DCC: variants seen among roughly 807,000 people sequenced by gnomAD.
DCC encodes netrin receptor DCC.
A neutral mutation model predicts 172.5 loss-of-function variants in DCC; 58 were observed. The observed-to-expected ratio is 0.34, with a 90% confidence interval of 0.27 to 0.42. The LOEUF (loss-of-function observed/expected upper bound fraction) is 0.42, where lower values mean the gene tolerates loss of function less well. Among genes scored for constraint, DCC ranks in the 10% least tolerant of loss-of-function variants. DCC has a pLI of 1.00. For synonymous variants in DCC, 709 were observed against 644.5 expected (o/e 1.10, Z -1.52); for missense variants, 1,740 against 1,791.0 (o/e 0.97, Z 0.51).
intron 1 of DCC, among the ~76,000 whole-genome samples, chr18:52,353,455 T>C (rs568913663): frequency 6.6e-6 from 1 of 152,282 alleles, no homozygotes; most frequent in Non-Finnish European, 1.5e-5. Context: ...GTCCCAAGTC[T>C]GATGCTGAGA....
At chr18:52,403,523 G>T (rs1264004504) in intron 1 of DCC, among the ~76,000 whole-genome samples, 1 of 151,970 alleles carries the variant, frequency 6.6e-6, no homozygotes, top group East Asian at 1.9e-4. Context: ...AGAGCCATTG[G>T]TCAGTAAACA....
chr18:52,939,831 C>T (rs1006846940), intron 5 of DCC, among the ~76,000 whole-genome samples: 2 of 152,024 alleles, frequency 1.3e-5, no homozygotes, highest in African/African-American at 4.8e-5. Context: ...CCCTTGGGTG[C>T]AGAAAAGAAT....
At chr18:53,240,045 A>AAC (rs1337859262) in intron 12 of DCC, among the ~76,000 whole-genome samples, 1 of 145,234 alleles carries the variant, frequency 6.9e-6, no homozygotes, top group Non-Finnish European at 1.5e-5. Flanking sequence ...AAAAAAAAAA[A>AAC]AAAAACAACA....
intron 1 of DCC, among the ~76,000 whole-genome samples, chr18:52,684,531 G>A (rs1275823240): frequency 6.6e-6 from 1 of 151,862 alleles, no homozygotes; most frequent in Admixed American, 6.6e-5. Flanking sequence ...TGCAGTCCTG[G>A]GATTTGGAAA....
intron 1 of DCC, among the ~76,000 whole-genome samples, chr18:52,637,710 A>G (rs1197381312): frequency 6.6e-6 from 1 of 152,246 alleles, no homozygotes; most frequent in Non-Finnish European, 1.5e-5. Flanking sequence ...TTCCTGAGGA[A>G]GAAGAGAATT....
chr18:53,141,768 TG>T (rs1033188903), intron 7 of DCC, among the ~76,000 whole-genome samples: 5 of 152,324 alleles, frequency 3.3e-5, no homozygotes, highest in African/African-American at 1.2e-4. Context: ...CTCCTCTCCA[TG>T]GTTGTGTGTT....
At chr18:52,851,868 T>C (rs757579278) in intron 2 of DCC, among the ~76,000 whole-genome samples, 1 of 152,156 alleles carries the variant, frequency 6.6e-6, no homozygotes, top group Non-Finnish European at 1.5e-5. Context: ...ACTGCAATTA[T>C]GATCTTACCA....
intron 5 of DCC, among the ~76,000 whole-genome samples, chr18:52,964,863 C>T (rs148473227): frequency 6.6e-6 from 1 of 152,258 alleles, no homozygotes; most frequent in East Asian, 1.9e-4. Flanking sequence ...AGGGGAAAAT[C>T]CATTTTTTGC....
chr18:53,217,464 G>A (rs1194870116), intron 12 of DCC, among the ~76,000 whole-genome samples: 1 of 151,932 alleles, frequency 6.6e-6, no homozygotes, highest in Non-Finnish European at 1.5e-5. Flanking sequence ...TTGTTCATTC[G>A]CTTTTCAGAA....
At chr18:52,669,088 G>T (rs1300370089) in intron 1 of DCC, among the ~76,000 whole-genome samples, 2 of 152,146 alleles carry the variant, frequency 1.3e-5, no homozygotes, top group African/African-American at 4.8e-5. Context: ...TGGTGGGCAG[G>T]GGAAAACCAG....
chr18:52,766,395 G>A (rs1194654088), intron 2 of DCC, among the ~76,000 whole-genome samples: 1 of 152,204 alleles, frequency 6.6e-6, no homozygotes. Flanking sequence ...AAGGCAAAGA[G>A]CCAGTGTGAC....
chr18:52,973,208 T>G (rs529470460), intron 5 of DCC, among the ~76,000 whole-genome samples: 1 of 152,278 alleles, frequency 6.6e-6, no homozygotes, highest in South Asian at 2.1e-4. Flanking sequence ...GAAGATGGGG[T>G]TATAGCAATG....
chr18:53,203,218 TG>T (rs2055570879), intron 9 of DCC, among the ~76,000 whole-genome samples: 1 of 151,438 alleles, frequency 6.6e-6, no homozygotes. Context: ...TGTGTGTGTG[TG>T]TGTGTGTGTG....
intron 2 of DCC, among the ~76,000 whole-genome samples, chr18:52,854,935 A>T (rs2039030073): frequency 6.6e-6 from 1 of 152,164 alleles, no homozygotes; most frequent in South Asian, 2.1e-4. Flanking sequence ...CCATGACCTG[A>T]GCTTCCTAAG....
At chr18:52,595,657 A>G (rs1426418038) in intron 1 of DCC, among the ~76,000 whole-genome samples, 1 of 152,168 alleles carries the variant, frequency 6.6e-6, no homozygotes, top group Non-Finnish European at 1.5e-5. Flanking sequence ...CCATTCCGCT[A>G]TCATCGCTCA....
intron 1 of DCC, among the ~76,000 whole-genome samples, chr18:52,389,142 C>A (rs1985933526): frequency 6.6e-6 from 1 of 152,066 alleles, no homozygotes; most frequent in Non-Finnish European, 1.5e-5. Flanking sequence ...TCCATTTCAT[C>A]TTGTCGATGA....
intron 5 of DCC, among the ~76,000 whole-genome samples, chr18:52,961,095 G>C (rs756365791): frequency 2.8e-4 from 43 of 152,002 alleles, no homozygotes; most frequent in Non-Finnish European, 4.6e-4. Flanking sequence ...TATGTTGTAT[G>C]CTAAGAAGTT....
intron 1 of DCC, among the ~76,000 whole-genome samples, chr18:52,519,539 T>C (rs532363181): frequency 3.3e-5 from 5 of 152,180 alleles, no homozygotes; most frequent in South Asian, 2.1e-4. Flanking sequence ...TAAGTTGCAA[T>C]GAGGGACAGG....
intron 5 of DCC, among the ~76,000 whole-genome samples, chr18:53,002,275 G>C (rs2143846583): frequency 6.6e-6 from 1 of 151,920 alleles, no homozygotes; most frequent in Non-Finnish European, 1.5e-5. Context: ...TCTCTGGGAG[G>C]GAAAAAGTAA....
Sources: allele counts gnomAD v4.1 joint callset (sites outside exome capture counted in the v4.1 genomes callset), GRCh38; gene constraint gnomAD v4.1.1; transcripts MANE v1.5; gene names NCBI Gene and HGNC (gene_info 2026-07-23, HGNC 2026-07-21).